RABGAP1L: variants seen among roughly 807,000 people sequenced by gnomAD.
RABGAP1L encodes the protein RAB GTPase activating protein 1 like, also known as rab GTPase-activating protein 1-like.
Under a neutral mutation model 137.7 loss-of-function variants are expected in RABGAP1L, and 63 were observed. The observed-to-expected ratio is 0.46, with a 90% CI of 0.37 to 0.56. The LOEUF (loss-of-function observed/expected upper bound fraction) is 0.56, where lower values mean the gene tolerates loss of function less well. Ranked by LOEUF, RABGAP1L falls within the 20% of genes least tolerant of loss-of-function variation. The probability of loss-of-function intolerance (pLI) is 0.00; values close to 1 mark genes in which losing one functional copy is unlikely to be tolerated. For synonymous variants in RABGAP1L, 431 were observed against 433.7 expected (o/e 0.99, Z 0.08); for missense variants, 1,095 against 1,244.0 (o/e 0.88, Z 1.80).
At chr1:174,750,691 A>T (rs1192755881) in intron 17 of RABGAP1L, among the ~76,000 whole-genome samples, 1 of 152,214 alleles carries the variant, frequency 6.6e-6, no homozygotes, top group Non-Finnish European at 1.5e-5. Context: ...CCAGAGCATT[A>T]TGAAGATGAG....
At chr1:174,358,430 C>G (rs945722866) in intron 11 of RABGAP1L, among the ~76,000 whole-genome samples, 5 of 152,142 alleles carry the variant, frequency 3.3e-5, no homozygotes, top group African/African-American at 1.2e-4. Context: ...AACCAGAGAT[C>G]TCTGTCAGAT....
rs553356371 is a variant in RABGAP1L at position 174,707,991 on chromosome 1, G to A, written c.2169+5735G>A. On this transcript the variant is annotated intron_variant, in intron 17 of 25. Coordinates refer to ENST00000681986, the MANE Select transcript of RABGAP1L (RefSeq NM_001366446.1). ...AGTCTTCACAGAATAACTGACAGCC[G>A]GTGTTTGAAGTTGACTCTTCCCAGA... Among the ~76,000 whole-genome samples the A allele has an allele frequency of 5.9e-5, 9 of 152,252 alleles. No individual in the cohort carries two copies. The East Asian group carries it at 1.4e-3, about 23-fold the overall frequency.
intron 23 of RABGAP1L, among the ~76,000 whole-genome samples, chr1:174,981,859 A>G (rs975356222): frequency 2.0e-5 from 3 of 152,156 alleles, no homozygotes; most frequent in Non-Finnish European, 2.9e-5. Flanking sequence ...TACACTTACT[A>G]TTGGCCAAGT....
rs1490411873 is a variant in RABGAP1L at position 174,213,163 on chromosome 1, G to T, written c.-33-5962G>T. ...ATTCCAGCTGGGCATGGTGGCTCAT[G>T]CCTGTAATCCCAGCACTTTGGGAGG... On this transcript the variant is annotated intron_variant, in intron 1 of 25. Transcript: ENST00000681986. 4.6e-5 allele frequency among the ~76,000 whole-genome samples: 7 copies of T among 152,284 alleles called. No individual in the cohort carries two copies. In the East Asian group the frequency reaches 1.3e-3, roughly 29 times the overall value.
chr1:174,324,130 T>A (rs879641150), intron 11 of RABGAP1L, among the ~76,000 whole-genome samples: 7 of 152,184 alleles, frequency 4.6e-5, no homozygotes, highest in African/African-American at 1.7e-4. Flanking sequence ...GTCATTTTTT[T>A]TTAGTCTTAG....
At chr1:174,168,873 A>G (rs1429679903) in intron 1 of RABGAP1L, among the ~76,000 whole-genome samples, 1 of 152,242 alleles carries the variant, frequency 6.6e-6, no homozygotes, top group Non-Finnish European at 1.5e-5. Flanking sequence ...AAAAATATTT[A>G]TGGGGTACAA....
At chr1:174,298,942 C>T (rs193276364) in intron 10 of RABGAP1L, among the ~76,000 whole-genome samples, 1 of 152,168 alleles carries the variant, frequency 6.6e-6, no homozygotes, top group African/African-American at 2.4e-5. Flanking sequence ...CAGGAACAAG[C>T]AGGGTTAGTC....
At position 174,942,540 on chromosome 1, in the gene RABGAP1L, G is replaced by A. The variant is rs1666066802; in HGVS notation, c.2341-14917G>A. Among the ~76,000 whole-genome samples, 3 of 152,208 alleles carry A rather than the reference G, an allele frequency of 2.0e-5. No individual in the cohort carries two copies. In the South Asian group the frequency reaches 6.2e-4, roughly 31 times the overall value. On this transcript the variant is annotated intron_variant, in intron 19 of 25. Transcript: ENST00000681986. ...GTTCAAATTAATCCCCACTTTACTA[G>A]CTGTGTGGCCTTGGGCAAGCTATTT...
At chr1:174,767,270 A>G (rs1685743846) in intron 18 of RABGAP1L, among the ~76,000 whole-genome samples, 1 of 152,208 alleles carries the variant, frequency 6.6e-6, no homozygotes, top group Non-Finnish European at 1.5e-5. Flanking sequence ...AATATTTTAC[A>G]GAGCTTGACT....
chr1:174,510,468 G>C (rs1367772200), intron 13 of RABGAP1L, among the ~76,000 whole-genome samples: 1 of 152,096 alleles, frequency 6.6e-6, no homozygotes, highest in Non-Finnish European at 1.5e-5. Context: ...CTGACTTTGG[G>C]TTCTGAGCAA....
Position 174,398,295 on chromosome 1 carries a change from A to G in RABGAP1L, c.1710+4150A>G, listed in dbSNP as rs550450020. ...TACGCTCCCCTTCTTTCCTCCCCAG[A>G]GGAAAAGAAGGTAGGGACACAGCCA... On this transcript the variant is annotated intron_variant, in intron 13 of 25. Coordinates refer to ENST00000681986, the MANE Select transcript of RABGAP1L (RefSeq NM_001366446.1). Among the ~76,000 whole-genome samples the G allele has an allele frequency of 3.4e-4, 51 of 152,218 alleles. 2 individuals carry two copies. Among genetic ancestry groups the G allele is most frequent in the Admixed American group, 2.4e-3 (37 of 15,282 alleles).
At position 174,830,452 on chromosome 1, in the gene RABGAP1L, G is replaced by T. The variant is rs920923356; in HGVS notation, c.2340+18492G>T. On this transcript the variant is annotated intron_variant, in intron 19 of 25. Coordinates refer to ENST00000681986, the MANE Select transcript of RABGAP1L (RefSeq NM_001366446.1). ...TAATAATTTCCTTTTATATAATTTG[G>T]TTTTTTTTTGCCATGAGGTGTTATT... 2.2e-4 allele frequency among the ~76,000 whole-genome samples: 31 copies of T among 142,988 alleles called. 2 individuals carry two copies. The highest frequency in any genetic ancestry group is 3.3e-4 in the Non-Finnish European group (21 of 64,614). 93.8% of individuals were successfully genotyped at this position (142,988 alleles called of 152,430 possible). A position where few individuals can be genotyped will look rare whatever the true frequency, so the allele number is the denominator to read the frequency against.
At chr1:174,384,659 AG>A (rs1261951288) in intron 12 of RABGAP1L, among the ~76,000 whole-genome samples, 2 of 152,158 alleles carry the variant, frequency 1.3e-5, no homozygotes, top group Non-Finnish European at 2.9e-5. Flanking sequence ...TATTTATTAT[AG>A]GTAACTCTGT....
chr1:174,533,099 T>C (rs1664576756), intron 13 of RABGAP1L, among the ~76,000 whole-genome samples: 1 of 152,112 alleles, frequency 6.6e-6, no homozygotes, highest in Non-Finnish European at 1.5e-5. Flanking sequence ...CCAGGCGTGG[T>C]GGGGCACTCT....
intron 17 of RABGAP1L, among the ~76,000 whole-genome samples, chr1:174,715,822 T>TCC (rs1680954770): frequency 6.6e-6 from 1 of 152,192 alleles, no homozygotes; most frequent in Non-Finnish European, 1.5e-5. Context: ...ATATCCCAGG[T>TCC]CCTCCTATGG....
intron 19 of RABGAP1L, among the ~76,000 whole-genome samples, chr1:174,865,060 G>A (rs749346712): frequency 5.3e-5 from 8 of 152,162 alleles, no homozygotes; most frequent in South Asian, 2.1e-4. Flanking sequence ...TGAGGCTGCC[G>A]TAAGCCAAGA....
At chr1:174,660,213 C>T (rs866316236) in intron 14 of RABGAP1L, among the ~76,000 whole-genome samples, 13 of 152,174 alleles carry the variant, frequency 8.5e-5, no homozygotes, top group Middle Eastern at 3.4e-3. Flanking sequence ...GTAAGCCAGG[C>T]GCCATATGAC....
intron 13 of RABGAP1L, chr1:174,548,641 C>T (rs1165897851): frequency 1.2e-6 from 1 of 849,384 alleles, no homozygotes; most frequent in Non-Finnish European, 1.4e-6. Context: ...TCCAATATTT[C>T]AGTATTTGGC....
At chr1:174,163,412 C>T (rs1313078122) in intron 1 of RABGAP1L, among the ~76,000 whole-genome samples, 8 of 152,066 alleles carry the variant, frequency 5.3e-5, no homozygotes, top group African/African-American at 1.4e-4. Flanking sequence ...GAAGTTTATG[C>T]GCATGCTAAC....
Sources: allele counts gnomAD v4.1 joint callset (sites outside exome capture counted in the v4.1 genomes callset), GRCh38; gene constraint gnomAD v4.1.1; transcripts MANE v1.5; gene names NCBI Gene and HGNC (gene_info 2026-07-23, HGNC 2026-07-21).